METTL6: variants seen among roughly 807,000 people sequenced by gnomAD.
METTL6 encodes the protein methyltransferase 6, tRNA N3-cytidine.
In METTL6, 22 loss-of-function variants were observed where a neutral mutation model predicts 26.4. The observed-to-expected ratio is 0.83, with a 90% confidence interval of 0.59 to 1.19. METTL6 has a LOEUF of 1.19. Among genes scored for constraint, METTL6 ranks in the 50% most tolerant of loss-of-function variants. The pLI is 0.00. For synonymous variants in METTL6, 109 were observed against 116.2 expected, an observed-to-expected ratio of 0.94 and a Z score of 0.40; for missense variants, 304 against 324.8, an observed-to-expected ratio of 0.94 and a Z score of 0.49.
At chr3:15,407,650 C>T (rs546796981), downstream of METTL6, among the ~76,000 whole-genome samples, 1 of 152,124 alleles carries the variant, frequency 6.6e-6, no homozygotes, top group African/African-American at 2.4e-5. Flanking sequence ...GAAAACTGAC[C>T]GAAGGACCAA....
chr3:15,400,824 T>C (rs560332243), intron 6 of METTL6, among the ~76,000 whole-genome samples: 6 of 152,296 alleles, frequency 3.9e-5, no homozygotes, highest in South Asian at 4.1e-4. Flanking sequence ...TGAAGTTTTT[T>C]CCCCCATATA....
chr3:15,387,876 G>C (rs999384980), intron 6 of METTL6, among the ~76,000 whole-genome samples: 1 of 149,758 alleles, frequency 6.7e-6, no homozygotes, highest in African/African-American at 2.5e-5. Context: ...GCAATGGTGT[G>C]GTCACAGCTC....
intron 3 of METTL6, among the ~76,000 whole-genome samples, chr3:15,421,390 G>C (rs554559744): frequency 8.1e-4 from 123 of 152,250 alleles, no homozygotes; most frequent in African/African-American, 2.6e-3. Context: ...TTGTGATTGT[G>C]GATGACTGTT....
downstream of METTL6, among the ~76,000 whole-genome samples, chr3:15,406,578 A>C (rs1229043422): frequency 3.1e-5 from 4 of 129,658 alleles, no homozygotes; most frequent in South Asian, 5.1e-4. Flanking sequence ...AAAAAAAAAA[A>C]CAAACAGTTA....
intron 6 of METTL6, among the ~76,000 whole-genome samples, chr3:15,388,610 G>A (rs1056129799): frequency 4.6e-5 from 7 of 152,160 alleles, no homozygotes; most frequent in African/African-American, 1.7e-4. Context: ...ATCAAGTGCA[G>A]GGTCTGCAGA....
chr3:15,384,873 AC>A (rs998424180), intron 6 of METTL6, among the ~76,000 whole-genome samples: 1 of 152,172 alleles, frequency 6.6e-6, no homozygotes, highest in Non-Finnish European at 1.5e-5. Flanking sequence ...CCTCTTAGAG[AC>A]CCCTTCTCTA....
chr3:15,390,804 G>A (rs1386117220), intron 6 of METTL6, among the ~76,000 whole-genome samples: 2 of 152,182 alleles, frequency 1.3e-5, no homozygotes, highest in African/African-American at 4.8e-5. Flanking sequence ...CAGCATCCAG[G>A]AAGAATCATG....
At chr3:15,408,033 T>C (rs1699847647), downstream of METTL6, among the ~76,000 whole-genome samples, 1 of 152,218 alleles carries the variant, frequency 6.6e-6, no homozygotes, top group Non-Finnish European at 1.5e-5. Context: ...ATAAGATTAT[T>C]TTCCTGGCCT....
At chr3:15,392,645 C>A (rs1170181302) in intron 6 of METTL6, among the ~76,000 whole-genome samples, 1 of 152,192 alleles carries the variant, frequency 6.6e-6, no homozygotes, top group African/African-American at 2.4e-5. Context: ...ACATTTAAAT[C>A]TTTAATCCAT....
chr3:15,417,452 A>AAAATAAATAAATAAAT lies in METTL6; in HGVS notation c.361-1526_361-1511dup, dbSNP rs35596746. Among the ~76,000 whole-genome samples, 425 of 142,698 alleles carry AAAATAAATAAATAAAT rather than the reference A, an allele frequency of 3.0e-3. 1 individual carries two copies. The highest frequency in any genetic ancestry group is 9.7e-3 in the African/African-American group (382 of 39,494). 93.6% of individuals were successfully genotyped at this position (142,698 alleles called of 152,430 possible). A position where few individuals can be genotyped will look rare whatever the true frequency, so the allele number is the denominator to read the frequency against. ...CCTGCATGATAGAGACTCTGTCTCA[A>AAAATAAATAAATAAAT]AAATAAATAAATAAATAAATAAATA... On this transcript the variant is annotated intron_variant, in intron 3 of 5. Coordinates refer to ENST00000383790, the MANE Select transcript of METTL6 (RefSeq NM_152396.4).
Position 15,426,507 on chromosome 3 carries a change from G to A in METTL6, c.5C>T (p.Ala2Val), listed in dbSNP as rs748373755. The change falls in exon 2 of 6, where the codon GCT becomes GTT. Residue 2 changes from alanine (A) to valine (V), a missense_variant. Ala to Val is a moderately conservative substitution (Grantham distance 64). Coordinates refer to ENST00000383790, the MANE Select transcript of METTL6 (RefSeq NM_152396.4). M[A>V]SLQRKGLQAR... ...CTGCAGCCCTTTCCTTTGCAAAGAA[G>A]CCATCTCTGAAACTGACGGTAACAC... 4 of 1,613,028 alleles carry A rather than the reference G, an allele frequency of 2.5e-6. No homozygotes were observed. Among genetic ancestry groups the A allele is most frequent in the African/African-American group, 1.3e-5 (1 of 74,804 alleles).
intron 3 of METTL6, among the ~76,000 whole-genome samples, chr3:15,421,279 G>T (rs2061606025): frequency 6.6e-6 from 1 of 152,144 alleles, no homozygotes; most frequent in Non-Finnish European, 1.5e-5. Context: ...CATAATGTGT[G>T]ATAAAACACG....
chr3:15,399,231 T>A (rs901331876), intron 6 of METTL6, among the ~76,000 whole-genome samples: 1 of 110,668 alleles, frequency 9.0e-6, no homozygotes, highest in African/African-American at 3.5e-5. Context: ...CCCAAAAAAC[T>A]CATGAATAAT....
At chr3:15,414,307 A>C in intron 4 of METTL6, 145 bp from the exon 5 acceptor site, 1 of 1,434,632 alleles carries the variant, frequency 7.0e-7, no homozygotes, top group South Asian at 1.5e-5. Context: ...ATGGCCTACT[A>C]CTTAAAAAGA....
intron 1 of METTL6, 119 bp from the exon 2 acceptor site, chr3:15,426,754 G>C (rs2061734552): frequency 9.3e-6 from 5 of 539,540 alleles, no homozygotes; most frequent in South Asian, 2.4e-5. Context: ...CGCTATATGA[G>C]AGGTCACAAA....
intron 3 of METTL6, among the ~76,000 whole-genome samples, chr3:15,418,687 A>G (rs1268589744): frequency 6.6e-6 from 1 of 152,166 alleles, no homozygotes; most frequent in Non-Finnish European, 1.5e-5. Context: ...ATTATAAAAT[A>G]ACTATATAAC....
chr3:15,413,321 T>TGGTGA (rs1700052218), intron 5 of METTL6, among the ~76,000 whole-genome samples: 2 of 152,154 alleles, frequency 1.3e-5, no homozygotes, highest in Non-Finnish European at 2.9e-5. Flanking sequence ...ACACCTGTAA[T>TGGTGA]CCCACCACTT....
intron 6 of METTL6, among the ~76,000 whole-genome samples, chr3:15,401,536 C>CAAAAAAAAAAAAAA (rs35578326): frequency 1.4e-5 from 1 of 71,860 alleles, no homozygotes; most frequent in African/African-American, 5.5e-5. Flanking sequence ...ATGTTCACGC[C>CAAAAAAAAAAAAAA]AAAAAAAAAA....
At chr3:15,396,593 GCT>G (rs1305444646) in intron 6 of METTL6, among the ~76,000 whole-genome samples, 2 of 151,782 alleles carry the variant, frequency 1.3e-5, no homozygotes, top group African/African-American at 4.8e-5. Context: ...CAGTTTTTCT[GCT>G]CTGTTTTTTC....
Sources: allele counts gnomAD v4.1 joint callset (sites outside exome capture counted in the v4.1 genomes callset), GRCh38; gene constraint gnomAD v4.1.1; transcripts MANE v1.5; gene names NCBI Gene and HGNC (gene_info 2026-07-23, HGNC 2026-07-21).